The following SCN8A variants were observed in gnomAD, a reference collection of about 807,000 sequenced individuals.
The protein encoded by SCN8A is sodium voltage-gated channel alpha subunit 8.
A neutral mutation model predicts 184.1 loss-of-function variants in SCN8A; 30 were observed. The observed-to-expected ratio is 0.16, with a 90% CI of 0.12 to 0.22. SCN8A has a LOEUF of 0.22. SCN8A is among the 10% of genes least tolerant of loss of function. The pLI is 1.00. For missense variants in SCN8A, 1,057 were observed against 2,498.9 expected, an observed-to-expected ratio of 0.42 and a Z score of 12.30; for synonymous variants, 852 against 907.0, an observed-to-expected ratio of 0.94 and a Z score of 1.09.
At position 51,769,270 on chromosome 12, in the gene SCN8A, T is replaced by A. The variant is rs747193336; in HGVS notation, c.3307T>A (p.Ser1103Thr). 8.7e-6 allele frequency: 14 copies of A among 1,610,684 alleles called. No homozygotes were observed. The highest frequency in any genetic ancestry group is 1.2e-5 in the Non-Finnish European group (14 of 1,177,466). ...ACGGGTACCCATTGCTGTGGGCGAG[T>A]CTGACTTTGAGAACCTCAACACAGA... ...TVRVPIAVGE[S>T]DFENLNTEDV... The change falls in exon 17 of 27, where the codon TCT (serine) becomes ACT (threonine). Residue 1103 changes from serine (S) to threonine (T), a missense_variant. This residue lies in a region of SCN8A where 178 missense variants were observed against 259.6 expected (regional missense o/e 0.69). Coordinates refer to ENST00000627620, the MANE Select transcript of SCN8A (RefSeq NM_001330260.2).
At chr12:51,797,883 C>G (rs922356909) in intron 26 of SCN8A, among the ~76,000 whole-genome samples, 1 of 152,146 alleles carries the variant, frequency 6.6e-6, no homozygotes, top group African/African-American at 2.4e-5. Context: ...TGACAGCATT[C>G]CTCCCTCTGG....
intron 2 of SCN8A, among the ~76,000 whole-genome samples, chr12:51,675,506 A>G (rs776715883): frequency 5.3e-5 from 8 of 152,152 alleles, no homozygotes; most frequent in Non-Finnish European, 1.0e-4. Flanking sequence ...TATTAAGTAG[A>G]GGAGATTCGT....
At chr12:51,758,806 T>C (rs1447845891) in intron 14 of SCN8A, among the ~76,000 whole-genome samples, 2 of 152,174 alleles carry the variant, frequency 1.3e-5, no homozygotes, top group African/African-American at 2.4e-5. Context: ...TGTTGTGATA[T>C]GTTATTTTAG....
At chr12:51,740,859 G>A (rs552926514) in intron 12 of SCN8A, among the ~76,000 whole-genome samples, 3 of 152,234 alleles carry the variant, frequency 2.0e-5, no homozygotes, top group South Asian at 2.1e-4. Flanking sequence ...ATCTCAGCCC[G>A]CTGCAGCCTC....
rs116698700 is a variant in SCN8A at position 51,685,346 on chromosome 12, A to T, written c.396-1022A>T. 5.5e-3 allele frequency among the ~76,000 whole-genome samples: 834 copies of T among 152,322 alleles called. 4 individuals are homozygous for T. Among genetic ancestry groups the T allele is most frequent in the African/African-American group, 0.019 (774 of 41,566 alleles). ...TTAAAACTCCACTGGTAGAATAAAG[A>T]TAGTGAATGCCATTAACAAGAGAGA... On this transcript the variant is annotated intron_variant, in intron 3 of 26. Transcript: ENST00000627620.
chr12:51,811,506 T>C lies in SCN8A; in HGVS notation c.*4077T>C, dbSNP rs886049600. The C allele has an allele frequency of 1.3e-5, 2 of 152,372 alleles. No individual in the cohort carries two copies. Among genetic ancestry groups the C allele is most frequent in the Non-Finnish European group, 2.9e-5 (2 of 68,174 alleles). 9.4% of individuals were successfully genotyped at this position (152,372 alleles called of 1,614,324 possible). The stretch of plus-strand genomic sequence containing the variant: ...ATCCCTGTGCCCCAAAGCTAGGGCA[T>C]GTGCGATGCCCAACAGCCTCCACTC... On this transcript the variant is annotated 3_prime_UTR_variant, in exon 27 of 27. Transcript: ENST00000627620.
intron 1 of SCN8A, among the ~76,000 whole-genome samples, chr12:51,644,351 T>C (rs1826473758): frequency 6.6e-6 from 1 of 152,178 alleles, no homozygotes; most frequent in South Asian, 2.1e-4. Context: ...TCTTTATGCC[T>C]CAGTTTTCTC....
chr12:51,639,760 G>A (rs940578485), intron 1 of SCN8A, among the ~76,000 whole-genome samples: 1 of 149,900 alleles, frequency 6.7e-6, no homozygotes, highest in Non-Finnish European at 1.5e-5. Context: ...TCAGTCAGTA[G>A]CGATCAACAT....
intron 1 of SCN8A, among the ~76,000 whole-genome samples, chr12:51,651,643 C>A (rs557098119): frequency 1.3e-5 from 2 of 152,364 alleles, no homozygotes; most frequent in East Asian, 3.9e-4. Context: ...TTCAAATTAT[C>A]TTCCACCTGG....
At chr12:51,663,903 ATTTTT>A (rs796653928) in intron 2 of SCN8A, among the ~76,000 whole-genome samples, 11 of 69,820 alleles carry the variant, frequency 1.6e-4, no homozygotes, top group African/African-American at 4.8e-4. Flanking sequence ...CATTTGACAG[ATTTTT>A]TTTTTTTTTT....
At chr12:51,734,149 C>T (rs1942286235) in intron 12 of SCN8A, among the ~76,000 whole-genome samples, 1 of 152,098 alleles carries the variant, frequency 6.6e-6, no homozygotes, top group Non-Finnish European at 1.5e-5. Flanking sequence ...TCAAGATGCA[C>T]CATTAGGTTA....
At chr12:51,738,299 T>C (rs1942360516) in intron 12 of SCN8A, among the ~76,000 whole-genome samples, 1 of 152,340 alleles carries the variant, frequency 6.6e-6, no homozygotes, top group African/African-American at 2.4e-5. Flanking sequence ...ACAGAAGTTA[T>C]AATTGGTTGA....
chr12:51,609,216 T>C (rs1353308308), intron 1 of SCN8A, among the ~76,000 whole-genome samples: 9 of 152,252 alleles, frequency 5.9e-5, no homozygotes, highest in Non-Finnish European at 1.3e-4. Context: ...CTGTGGTTGT[T>C]GGATGAAATG....
chr12:51,619,672 T>A (rs969576197), intron 1 of SCN8A, among the ~76,000 whole-genome samples: 8 of 152,212 alleles, frequency 5.3e-5, no homozygotes, highest in African/African-American at 1.9e-4. Context: ...ATAAAAAGGA[T>A]TAACTGACAT....
chr12:51,646,179 T>A (rs1185187798), intron 1 of SCN8A, among the ~76,000 whole-genome samples: 2 of 152,148 alleles, frequency 1.3e-5, no homozygotes, highest in Non-Finnish European at 2.9e-5. Context: ...AAAGTCACTC[T>A]TGGGACAGGT....
intron 21 of SCN8A, 145 bp downstream of exon 21, chr12:51,780,916 C>A: frequency 9.4e-7 from 1 of 1,066,328 alleles, no homozygotes; most frequent in Non-Finnish European, 1.2e-6. Context: ...CTCCCCCACA[C>A]CTGCCCCGTG....
At position 51,604,640 on chromosome 12, in the gene SCN8A, G is replaced by T. The variant is rs183277039; in HGVS notation, c.-55+13281G>T. On this transcript the variant is annotated intron_variant, in intron 1 of 26. Coordinates refer to ENST00000627620, the MANE Select transcript of SCN8A (RefSeq NM_001330260.2). ...CGCCTCCCCTTCAAGCAATTCTCCT[G>T]CCTCAGCCTCAGAAGTAGCTGGGAT... 3.3e-3 allele frequency among the ~76,000 whole-genome samples: 507 copies of T among 152,230 alleles called. 1 individual carries two copies. The highest frequency in any genetic ancestry group is 0.017 in the Middle Eastern group (5 of 294).
chr12:51,773,737 T>C (rs60226682), intron 19 of SCN8A, among the ~76,000 whole-genome samples: 4,839 of 152,200 alleles, frequency 0.032, 236 homozygotes, highest in African/African-American at 0.11. Context: ...ATAGAAACAA[T>C]ACACATGTCC....
chr12:51,798,110 C>A (rs1432185232), intron 26 of SCN8A, among the ~76,000 whole-genome samples: 2 of 152,238 alleles, frequency 1.3e-5, no homozygotes, highest in Admixed American at 6.5e-5. Flanking sequence ...CCCAGCCCTG[C>A]AAAGTATTGT....
Sources: gnomAD v4.1 joint callset for allele counts (sites outside exome capture counted in the v4.1 genomes callset) on GRCh38, gnomAD v4.1.1 for gene constraint, gnomAD v4.1.1 regional missense constraint, MANE v1.5 for transcripts, NCBI Gene and HGNC (gene_info 2026-07-23, HGNC 2026-07-21) for gene names.